Variants in MCPH1 observed in about 807,000 individuals in gnomAD.
The protein encoded by MCPH1 is microcephalin 1.
Under a neutral mutation model 84.5 loss-of-function variants are expected in MCPH1, and 104 were observed. That is an observed-to-expected ratio of 1.23 (90% CI 1.05 to 1.45). The LOEUF (loss-of-function observed/expected upper bound fraction) is 1.45, where lower values mean the gene tolerates loss of function less well. MCPH1 is among the 40% of genes most tolerant of loss of function. MCPH1 has a pLI of 0.00. For synonymous variants in MCPH1, 514 were observed against 366.8 expected, an observed-to-expected ratio of 1.40 and a Z score of -4.58; for missense variants, 1,498 against 1,005.7, an observed-to-expected ratio of 1.49 and a Z score of -6.62.
At chr8:6,448,639 C>T in intron 8 of MCPH1, among the ~76,000 whole-genome samples, 1 of 152,178 alleles carries the variant, frequency 6.6e-6, no homozygotes, top group Non-Finnish European at 1.5e-5. Context: ...GTGTGTGTGT[C>T]TACAAGCATA....
intron 12 of MCPH1, among the ~76,000 whole-genome samples, chr8:6,543,675 A>AG (rs2129574204): frequency 6.6e-6 from 1 of 152,302 alleles, no homozygotes; most frequent in African/African-American, 2.4e-5. Context: ...TAACCGCTGA[A>AG]GTTCGTGCTT....
intron 12 of MCPH1, among the ~76,000 whole-genome samples, chr8:6,512,408 A>G (rs767119806): frequency 5.3e-5 from 8 of 152,110 alleles, no homozygotes; most frequent in Non-Finnish European, 1.0e-4. Context: ...TGAGATGAAG[A>G]CGAGACTGTA....
At chr8:6,516,215 C>T (rs988393723) in intron 12 of MCPH1, among the ~76,000 whole-genome samples, 1 of 152,212 alleles carries the variant, frequency 6.6e-6, no homozygotes, top group African/African-American at 2.4e-5. Flanking sequence ...CTTGTTACCG[C>T]TCTGTATTGC....
chr8:6,423,174 A>G (rs376375772), intron 3 of MCPH1, among the ~76,000 whole-genome samples: 1 of 130,816 alleles, frequency 7.6e-6, no homozygotes, highest in Admixed American at 7.9e-5. Context: ...ATCTTTTGGC[A>G]TTTTTCTTTT....
At chr8:6,532,149 C>G (rs1035105608) in intron 12 of MCPH1, among the ~76,000 whole-genome samples, 7 of 152,106 alleles carry the variant, frequency 4.6e-5, no homozygotes, top group African/African-American at 1.4e-4. Flanking sequence ...AAAACAAAAA[C>G]AGATTTACTG....
chr8:6,638,024 G>T (rs1443769898), intron 13 of MCPH1, among the ~76,000 whole-genome samples: 2 of 152,212 alleles, frequency 1.3e-5, no homozygotes, highest in East Asian at 3.8e-4. Context: ...CCCGGGAGAA[G>T]CACGGAAGGA....
At position 6,626,788 on chromosome 8, in the gene MCPH1, C is replaced by G. The variant is rs138263139; in HGVS notation, c.2452+5097C>G. 465 of 985,304 alleles carry G rather than the reference C, an allele frequency of 4.7e-4. 1 individual carries two copies. The African/African-American group carries it at 7.2e-3, about 15-fold the overall frequency. 61.0% of individuals were successfully genotyped at this position (985,304 alleles called of 1,614,324 possible). ...GAGCCCTGGCGCGGTCCTCAAGGGT[C>G]TGCGACATTTGTGCTGTGGTCAGCT... On this transcript the variant is annotated intron_variant, in intron 13 of 13. Coordinates refer to ENST00000344683, the MANE Select transcript of MCPH1 (RefSeq NM_024596.5).
At chr8:6,504,436 C>G (rs1459388710) in intron 12 of MCPH1, among the ~76,000 whole-genome samples, 2 of 152,048 alleles carry the variant, frequency 1.3e-5, no homozygotes, top group African/African-American at 2.4e-5. Context: ...TCTCCTCTAT[C>G]CAGTGGATCC....
intron 4 of MCPH1, 115 bp from the exon 5 acceptor site, chr8:6,435,933 T>A: frequency 7.7e-7 from 1 of 1,296,102 alleles, no homozygotes; most frequent in Non-Finnish European, 1.1e-6. Flanking sequence ...ACACCTCTTT[T>A]AGAATTTTTT....
intron 12 of MCPH1, among the ~76,000 whole-genome samples, chr8:6,530,444 G>T (rs1239578229): frequency 1.3e-5 from 2 of 150,246 alleles, no homozygotes; most frequent in East Asian, 3.9e-4. Context: ...GGGAGGTGGA[G>T]GTTGCAGCAA....
chr8:6,487,061 A>G (rs1464423004), intron 11 of MCPH1, among the ~76,000 whole-genome samples: 1 of 152,240 alleles, frequency 6.6e-6, no homozygotes, highest in Non-Finnish European at 1.5e-5. Context: ...AGTGAGGAAT[A>G]ACTCAGCCTG....
At chr8:6,510,110 G>A (rs1318613054) in intron 12 of MCPH1, among the ~76,000 whole-genome samples, 1 of 152,010 alleles carries the variant, frequency 6.6e-6, no homozygotes, top group Middle Eastern at 3.2e-3. Flanking sequence ...GTACCAGCAA[G>A]GAGCATATAA....
chr8:6,626,470 T>G (rs978131710), intron 13 of MCPH1: 12 of 958,472 alleles, frequency 1.3e-5, no homozygotes, highest in Non-Finnish European at 1.5e-5. Flanking sequence ...GGTTTTTTTG[T>G]TTTGTTTTTT....
intron 9 of MCPH1, among the ~76,000 whole-genome samples, chr8:6,475,066 T>A (rs1457287488): frequency 6.6e-6 from 1 of 152,226 alleles, no homozygotes; most frequent in African/African-American, 2.4e-5. Flanking sequence ...ATTCAATTTA[T>A]AGGTGTCTCT....
intron 9 of MCPH1, among the ~76,000 whole-genome samples, chr8:6,456,614 T>A (rs1805707232): frequency 6.6e-6 from 1 of 151,652 alleles, no homozygotes; most frequent in Non-Finnish European, 1.5e-5. Flanking sequence ...GAAGCCGTGG[T>A]ACCTCTCATC....
At chr8:6,469,169 C>G (rs1807391140) in intron 9 of MCPH1, among the ~76,000 whole-genome samples, 2 of 152,084 alleles carry the variant, frequency 1.3e-5, no homozygotes, top group African/African-American at 4.8e-5. Flanking sequence ...AAGAGTGAGA[C>G]CCTGTCTCAA....
At chr8:6,548,910 A>G (rs1447429555) in intron 12 of MCPH1, among the ~76,000 whole-genome samples, 1 of 152,072 alleles carries the variant, frequency 6.6e-6, no homozygotes, top group Admixed American at 6.5e-5. Context: ...TGCCTGTTGT[A>G]TTTCACTACC....
In MCPH1 at chr8:6,414,868, T is replaced by A; in HGVS notation, c.218T>A (p.Val73Glu). 6.2e-7 allele frequency: 1 copy of A among 1,610,232 alleles called. No homozygotes were observed. The highest frequency in any genetic ancestry group is 1.1e-5 in the South Asian group (1 of 90,986). Residue 73 changes from valine (V) to glutamate (E), a missense_variant, in exon 3 of 14, where the codon GTG becomes GAG. Coordinates refer to ENST00000344683, the MANE Select transcript of MCPH1 (RefSeq NM_024596.5). The stretch of plus-strand genomic sequence containing the variant: ...AAGAGAGGCGTAAAGCTCGTTTCGG[T>A]GCTCTGGGTGGAAAAGTAAGCAGTT... ...AQKRGVKLVS[V>E]LWVEKCRTAG... is the part of the protein sequence containing the mutation.
chr8:6,554,349 A>T (rs10216888), intron 12 of MCPH1, among the ~76,000 whole-genome samples: 4,294 of 152,020 alleles, frequency 0.028, 136 homozygotes, highest in African/African-American at 0.072. Flanking sequence ...CTTCCTTTTA[A>T]GACTTTGTTC....
Sources: gnomAD v4.1 joint callset for allele counts (sites outside exome capture counted in the v4.1 genomes callset) on GRCh38, gnomAD v4.1.1 for gene constraint, MANE v1.5 for transcripts, NCBI Gene and HGNC (gene_info 2026-07-23, HGNC 2026-07-21) for gene names.